The following CISD1 variants were observed in gnomAD, a reference collection of about 807,000 sequenced individuals.
CISD1 encodes the protein CDGSH iron sulfur domain 1.
CISD1 carries 8 observed loss-of-function variants against 12.0 expected under a neutral mutation model. The ratio of observed to expected loss-of-function variants is 0.67; its 90% CI spans 0.39 to 1.20. The LOEUF (loss-of-function observed/expected upper bound fraction) is 1.20. CISD1 is among the 50% of genes most tolerant of loss of function. The pLI is 0.01. For missense variants in CISD1, 107 were observed against 132.7 expected, an observed-to-expected ratio of 0.81 and a Z score of 0.95; for synonymous variants, 38 against 42.2, an observed-to-expected ratio of 0.90 and a Z score of 0.39.
At chr10:58,274,977 T>A (rs990641614) in intron 1 of CISD1, among the ~76,000 whole-genome samples, 1 of 152,208 alleles carries the variant, frequency 6.6e-6, no homozygotes, top group African/African-American at 2.4e-5. Flanking sequence ...TGAAACAAAT[T>A]AACCAATACT....
chr10:58,275,669 GA>G, intron 1 of CISD1, among the ~76,000 whole-genome samples: 1 of 152,150 alleles, frequency 6.6e-6, no homozygotes, highest in Non-Finnish European at 1.5e-5. Context: ...TACCGTGGTT[GA>G]AAATAAAATC....
chr10:58,287,660 T>A lies in CISD1; in HGVS notation c.*10T>A. The A allele has an allele frequency of 6.4e-7, 1 of 1,570,076 alleles. No individual in the cohort carries two copies. The highest frequency in any genetic ancestry group is 8.7e-7 in the Non-Finnish European group (1 of 1,146,506). ...GAAAAAAGAAACTTAAATGGACACT[T>A]TTGATGCTGCAAATCAGCTTGTCGT... On this transcript the variant is annotated 3_prime_UTR_variant, in exon 3 of 3. Transcript: ENST00000333926.
At chr10:58,275,242 A>T (rs1839299583) in intron 1 of CISD1, among the ~76,000 whole-genome samples, 1 of 152,222 alleles carries the variant, frequency 6.6e-6, no homozygotes, top group African/African-American at 2.4e-5. Flanking sequence ...TGATAGGTAC[A>T]TTAGCTATTC....
rs1259784113 is a variant in CISD1 at position 58,287,605 on chromosome 10, T to C, written c.282T>C (p.Thr94=). 1 of 1,611,372 alleles carries C rather than the reference T, an allele frequency of 6.2e-7. No individual in the cohort carries two copies. The highest frequency in any genetic ancestry group is 1.7e-5 in the Admixed American group (1 of 59,830). Residue 94 remains threonine, a synonymous_variant, in exon 3 of 3, where the codon ACT becomes ACC. Coordinates refer to ENST00000333926, the MANE Select transcript of CISD1 (RefSeq NM_018464.5). The stretch of plus-strand genomic sequence containing the variant: ...CTCACACAAAACATAACGAAGAGAC[T>C]GGAGACAATGTGGGCCCTCTGATCA... ...DGAHTKHNEE[T]GDNVGPLIIK... is the part of the protein sequence containing the mutation.
chr10:58,271,433 TC>T (rs1208135326), intron 1 of CISD1, among the ~76,000 whole-genome samples: 12 of 152,312 alleles, frequency 7.9e-5, no homozygotes, highest in African/African-American at 2.9e-4. Context: ...ACCAACATTT[TC>T]CTCCTCAATA....
At chr10:58,270,529 C>T (rs1011299895) in intron 1 of CISD1, among the ~76,000 whole-genome samples, 4 of 152,128 alleles carry the variant, frequency 2.6e-5, no homozygotes, top group African/African-American at 9.7e-5. Flanking sequence ...TTTAATTTTA[C>T]AGGAAGACTG....
At chr10:58,286,093 T>C (rs1327273974) in intron 2 of CISD1, among the ~76,000 whole-genome samples, 2 of 150,954 alleles carry the variant, frequency 1.3e-5, no homozygotes, top group Non-Finnish European at 3.0e-5. Context: ...TAGTCCCAGC[T>C]ACTCAGGAGT....
intron 1 of CISD1, among the ~76,000 whole-genome samples, chr10:58,275,813 A>G (rs1047566152): frequency 6.6e-6 from 1 of 152,226 alleles, no homozygotes; most frequent in Non-Finnish European, 1.5e-5. Context: ...AAGAAGACCA[A>G]GATACAAGAG....
intron 2 of CISD1, among the ~76,000 whole-genome samples, chr10:58,279,851 G>A (rs1839354954): frequency 6.6e-6 from 1 of 152,172 alleles, no homozygotes; most frequent in Non-Finnish European, 1.5e-5. Context: ...ACACCATGAG[G>A]CTGGGTGCAG....
At chr10:58,269,525 G>A (rs1839217129) in intron 1 of CISD1, among the ~76,000 whole-genome samples, 1 of 152,200 alleles carries the variant, frequency 6.6e-6, no homozygotes, top group South Asian at 2.1e-4. Context: ...CCGGACCAGA[G>A]TCCACGTTTA....
chr10:58,274,331 C>G (rs1207970286), intron 1 of CISD1, among the ~76,000 whole-genome samples: 1 of 151,278 alleles, frequency 6.6e-6, no homozygotes, highest in African/African-American at 2.4e-5. Flanking sequence ...TCATTTTTGT[C>G]TATCTCTGTA....
At chr10:58,272,045 C>T (rs1363641248) in intron 1 of CISD1, among the ~76,000 whole-genome samples, 1 of 152,208 alleles carries the variant, frequency 6.6e-6, no homozygotes, top group Non-Finnish European at 1.5e-5. Context: ...TCACCCTTAA[C>T]CCTTTCTCTT....
chr10:58,269,552 C>T (rs1839217646), intron 1 of CISD1, among the ~76,000 whole-genome samples: 1 of 152,208 alleles, frequency 6.6e-6, no homozygotes, highest in South Asian at 2.1e-4. Context: ...CTAGCCAAAC[C>T]CTAACACCTA....
chr10:58,276,453 G>GA (rs1839315828), intron 1 of CISD1, among the ~76,000 whole-genome samples: 3 of 151,950 alleles, frequency 2.0e-5, no homozygotes, highest in Non-Finnish European at 4.4e-5. Flanking sequence ...ATTTTAATGA[G>GA]AAAACACTTT....
intron 2 of CISD1, among the ~76,000 whole-genome samples, chr10:58,282,520 A>T (rs970085050): frequency 2.0e-5 from 3 of 152,204 alleles, no homozygotes; most frequent in African/African-American, 7.2e-5. Flanking sequence ...ACAAGGAAAA[A>T]AGTGTACATG....
chr10:58,281,182 C>G (rs779882294), intron 2 of CISD1, among the ~76,000 whole-genome samples: 3 of 152,170 alleles, frequency 2.0e-5, no homozygotes, highest in Non-Finnish European at 4.4e-5. Flanking sequence ...CCAGTGGACA[C>G]AAACTAGTGG....
chr10:58,272,914 A>G (rs1323602003), intron 1 of CISD1, among the ~76,000 whole-genome samples: 1 of 152,118 alleles, frequency 6.6e-6, no homozygotes, highest in African/African-American at 2.4e-5. Flanking sequence ...GCGAGACTCC[A>G]TCGCAAAAAA....
At position 58,277,106 on chromosome 10, in the gene CISD1, C is replaced by A; in HGVS notation, c.32-11C>A. ...GTTTTGATAATTATTTGTTTTCCTT[C>A]CCTGCTCTAGTTGAATGGATCGCAG... On this transcript the variant is annotated splice_polypyrimidine_tract_variant and intron_variant, in intron 1 of 2. Coordinates refer to ENST00000333926, the MANE Select transcript of CISD1 (RefSeq NM_018464.5). 5 of 1,561,306 alleles carry A rather than the reference C, an allele frequency of 3.2e-6. No homozygotes were observed. The highest frequency in any genetic ancestry group is 4.3e-6 in the Non-Finnish European group (5 of 1,152,214).
intron 1 of CISD1, among the ~76,000 whole-genome samples, chr10:58,273,712 T>C (rs1033212372): frequency 3.3e-5 from 5 of 152,238 alleles, no homozygotes; most frequent in African/African-American, 1.2e-4. Flanking sequence ...TTGGAAGTGT[T>C]ACCTTTCTCT....
Sources: gnomAD v4.1 joint callset for allele counts (sites outside exome capture counted in the v4.1 genomes callset) on GRCh38, gnomAD v4.1.1 for gene constraint, MANE v1.5 for transcripts, NCBI Gene and HGNC (gene_info 2026-07-23, HGNC 2026-07-21) for gene names.